Variants in DPCD observed in about 807,000 individuals in gnomAD.
DPCD encodes protein DPCD.
A neutral mutation model predicts 26.4 loss-of-function variants in DPCD; 20 were observed. That is an observed-to-expected ratio of 0.76 (90% CI 0.53 to 1.10). The LOEUF (loss-of-function observed/expected upper bound fraction) is 1.10, where lower values mean the gene tolerates loss of function less well. Ranked by LOEUF, DPCD falls within the 50% of genes least tolerant of loss-of-function variation. The probability of loss-of-function intolerance (pLI) is 0.00; values close to 1 mark genes in which losing one functional copy is unlikely to be tolerated. For missense variants in DPCD, 202 were observed against 253.9 expected (o/e 0.80, Z 1.39); for synonymous variants, 97 against 94.2 (o/e 1.03, Z -0.17).
intron 5 of DPCD, 174 bp downstream of exon 5, chr10:101,609,111 G>A (rs2063754606): frequency 3.0e-6 from 2 of 666,262 alleles, no homozygotes; most frequent in Non-Finnish European, 5.2e-6. Flanking sequence ...GGCTCAGGAA[G>A]GAGCCTGACC....
At chr10:101,608,053 GCAAAGTCTAGTTATA>G (rs1480304695) in intron 4 of DPCD, among the ~76,000 whole-genome samples, 1 of 151,984 alleles carries the variant, frequency 6.6e-6, no homozygotes, top group Non-Finnish European at 1.5e-5. Flanking sequence ...CAAATTTCCT[GCAAAGTCTAGTTATA>G]CACATTACAG....
chr10:101,599,535 T>C (rs1257342974), intron 2 of DPCD, among the ~76,000 whole-genome samples: 1 of 152,208 alleles, frequency 6.6e-6, no homozygotes, highest in Non-Finnish European at 1.5e-5. Context: ...AAAGCACATA[T>C]TTAAGGGAAA....
rs1010296474 is a variant in DPCD at position 101,600,155 on chromosome 10, C to T, written c.146-583C>T. 3.9e-5 allele frequency among the ~76,000 whole-genome samples: 6 copies of T among 152,064 alleles called. No individual in the cohort carries two copies. The highest frequency in any genetic ancestry group is 1.2e-4 in the African/African-American group (5 of 41,376). On this transcript the variant is annotated intron_variant, in intron 2 of 5. Transcript: ENST00000370151. The surrounding 1 kb of genome is among the most constrained non-coding windows in gnomAD (Gnocchi z 4.7). Reference sequence around the variant, plus strand: ...CGTGCATTTAAAATATGGCATGTGCCTACGATTTTGTTTAAATGCAGCTTT... The same window carrying T: ...CGTGCATTTAAAATATGGCATGTGCTTACGATTTTGTTTAAATGCAGCTTT...
chr10:101,592,063 A>G (rs530064178), intron 1 of DPCD, among the ~76,000 whole-genome samples: 111 of 151,884 alleles, frequency 7.3e-4, no homozygotes, highest in African/African-American at 2.6e-3. Context: ...TTACAAAAAT[A>G]TACTAATATA....
chr10:101,609,268 T>C, intron 5 of DPCD, 99 bp from the exon 6 acceptor site: 1 of 1,120,118 alleles, frequency 8.9e-7, no homozygotes, highest in Non-Finnish European at 1.3e-6. Flanking sequence ...AATTTTCTCG[T>C]GCAAATAAGG....
chr10:101,600,270 A>G lies in DPCD; in HGVS notation c.146-468A>G, dbSNP rs1442840918. On this transcript the variant is annotated intron_variant, in intron 2 of 5. Transcript: ENST00000370151. The surrounding 1 kb of genome is among the most constrained non-coding windows in gnomAD (Gnocchi z 4.7). ...TTTCTATATTTGGACTTTCTGAATC[A>G]TGATACAGACCTGCCGAACAGCTTT... is the stretch of plus-strand genomic sequence containing the variant. Among the ~76,000 whole-genome samples, 1 of 152,140 alleles carries G rather than the reference A, an allele frequency of 6.6e-6. No individual in the cohort carries two copies. Among genetic ancestry groups the G allele is most frequent in the Admixed American group, 6.5e-5 (1 of 15,278 alleles).
chr10:101,606,499 TAG>T (rs1421221205), intron 4 of DPCD, among the ~76,000 whole-genome samples: 1 of 152,142 alleles, frequency 6.6e-6, no homozygotes, highest in African/African-American at 2.4e-5. Flanking sequence ...TAATTTTTTG[TAG>T]AGACAGGGTC....
chr10:101,607,015 C>G (rs2063737331), intron 4 of DPCD, among the ~76,000 whole-genome samples: 1 of 152,132 alleles, frequency 6.6e-6, no homozygotes, highest in East Asian at 1.9e-4. Context: ...AGGAGTAGTT[C>G]AAGGAAAGCA....
chr10:101,589,388 G>A (rs1259776824), intron 1 of DPCD, among the ~76,000 whole-genome samples: 1 of 152,176 alleles, frequency 6.6e-6, no homozygotes, highest in Non-Finnish European at 1.5e-5. Context: ...AAAGAGTGAA[G>A]GTGTAAGTGA....
intron 4 of DPCD, 73 bp from the exon 5 acceptor site, chr10:101,608,762 C>T: frequency 2.1e-6 from 2 of 969,542 alleles, no homozygotes; most frequent in Admixed American, 1.8e-5. Context: ...AGAAGCTAGG[C>T]AGCAGAGGGC....
At chr10:101,598,611 CTTTTTTTT>C (rs71016333) in intron 2 of DPCD, among the ~76,000 whole-genome samples, 4 of 74,978 alleles carry the variant, frequency 5.3e-5, no homozygotes, top group Admixed American at 3.6e-4. Context: ...TAGATGCTTT[CTTTTTTTT>C]TTTTTTTTTT....
Position 101,600,944 on chromosome 10 carries a change from T to C in DPCD, c.270+82T>C. 3 of 1,596,194 alleles carry C rather than the reference T, an allele frequency of 1.9e-6. No homozygotes were observed. Among genetic ancestry groups the C allele is most frequent in the Non-Finnish European group, 2.6e-6 (3 of 1,174,492 alleles). ...TGCTGGCTCTTGAGGGCAGGGACCA[T>C]GTCTTGTTCACCTCCTCGCCTCCAG... On this transcript the variant is annotated intron_variant, in intron 3 of 5. Transcript: ENST00000370151. The surrounding 1 kb of genome is among the most constrained non-coding windows in gnomAD (Gnocchi z 4.7).
chr10:101,606,243 C>T (rs1039469381), intron 4 of DPCD, among the ~76,000 whole-genome samples: 1 of 152,062 alleles, frequency 6.6e-6, no homozygotes, highest in African/African-American at 2.4e-5. Context: ...CTCACTGCAA[C>T]CTCCGCCCCC....
intron 4 of DPCD, among the ~76,000 whole-genome samples, chr10:101,606,207 G>T (rs574259818): frequency 3.2e-4 from 48 of 152,314 alleles, no homozygotes; most frequent in African/African-American, 1.2e-3. Flanking sequence ...TGTTGCCCAG[G>T]CTGGAGTGCA....
At chr10:101,601,445 C>T in intron 4 of DPCD, 109 bp downstream of exon 4, 2 of 1,030,308 alleles carry the variant, frequency 1.9e-6, no homozygotes, top group Non-Finnish European at 2.7e-6. Flanking sequence ...GAGAGGAAGC[C>T]CTTCTGCTTA....
chr10:101,602,371 C>T (rs1436926168), intron 4 of DPCD, among the ~76,000 whole-genome samples: 1 of 152,188 alleles, frequency 6.6e-6, no homozygotes, highest in East Asian at 1.9e-4. Context: ...CCCAGACTCC[C>T]CCATCGCAGC....
intron 4 of DPCD, among the ~76,000 whole-genome samples, chr10:101,608,060 C>G (rs2063745061): frequency 6.6e-6 from 1 of 152,016 alleles, no homozygotes; most frequent in South Asian, 2.1e-4. Context: ...CCTGCAAAGT[C>G]TAGTTATACA....
chr10:101,608,814 G>C (rs778723998), intron 4 of DPCD, 21 bp from the exon 5 acceptor site: 122 of 1,578,976 alleles, frequency 7.7e-5, no homozygotes, highest in Non-Finnish European at 1.0e-4. Flanking sequence ...GTGCCCCAAT[G>C]GCCTCTCGGT....
At chr10:101,589,499 C>T (rs530568058) in intron 1 of DPCD, among the ~76,000 whole-genome samples, 1 of 152,270 alleles carries the variant, frequency 6.6e-6, no homozygotes, top group African/African-American at 2.4e-5. Context: ...TTCCAGCACT[C>T]TGGGAGGCCA....
Sources: allele counts gnomAD v4.1 joint callset (sites outside exome capture counted in the v4.1 genomes callset), GRCh38; gene constraint gnomAD v4.1.1; non-coding constraint Gnocchi (gnomAD v3.1); transcripts MANE v1.5; gene names NCBI Gene and HGNC (gene_info 2026-07-23, HGNC 2026-07-21).